The following CHRNA7 variants were observed in gnomAD, a reference collection of about 807,000 sequenced individuals.
CHRNA7 encodes neuronal acetylcholine receptor subunit alpha-7.
A neutral mutation model predicts 48.0 loss-of-function variants in CHRNA7; 17 were observed. That is an observed-to-expected ratio of 0.35 (90% CI 0.24 to 0.53). The LOEUF (loss-of-function observed/expected upper bound fraction) is 0.53, where lower values mean the gene tolerates loss of function less well. Among genes scored for constraint, CHRNA7 ranks in the 20% least tolerant of loss-of-function variants. CHRNA7 has a pLI of 0.92. For missense variants in CHRNA7, 155 were observed against 577.7 expected, an observed-to-expected ratio of 0.27 and a Z score of 7.50; for synonymous variants, 75 against 242.3, an observed-to-expected ratio of 0.31 and a Z score of 6.41.
At chr15:32,132,800 C>T (rs7170028) in intron 4 of CHRNA7, among the ~76,000 whole-genome samples, 71,338 of 152,014 alleles carry the variant, frequency 0.47, 17,280 homozygotes, top group East Asian at 0.7. Flanking sequence ...CGTTTTTAGC[C>T]GTATTACCTC....
chr15:32,108,266 T>G lies in CHRNA7; in HGVS notation c.241-3524T>G, dbSNP rs189426571. On this transcript the variant is annotated intron_variant, in intron 3 of 9. Coordinates refer to ENST00000306901, the MANE Select transcript of CHRNA7 (RefSeq NM_000746.6). ...TTCCTCCCTTCCCTTCAGTGTCCCC[T>G]CACAACTCCACACACTCTTCTTTTG... 3.5e-3 allele frequency among the ~76,000 whole-genome samples: 530 copies of G among 152,020 alleles called. 1 individual carries two copies. Among genetic ancestry groups the G allele is most frequent in the African/African-American group, 0.012 (508 of 41,456 alleles).
At chr15:32,079,576 T>A (rs2050185338) in intron 2 of CHRNA7, among the ~76,000 whole-genome samples, 1 of 151,994 alleles carries the variant, frequency 6.6e-6, no homozygotes, top group South Asian at 2.1e-4. Context: ...TACCTAGGAA[T>A]ACAGCTAACA....
In CHRNA7 at chr15:32,067,193, G is replaced by A. The variant is rs141425121; in HGVS notation, c.196-34110G>A. On this transcript the variant is annotated intron_variant, in intron 2 of 9. Coordinates refer to ENST00000306901, the MANE Select transcript of CHRNA7 (RefSeq NM_000746.6). ...ATCCGTAAAGCTTAACAAACTACAG[G>A]AAGGATAAAACCAAAGATCCACACC... 1.8e-3 allele frequency among the ~76,000 whole-genome samples: 276 copies of A among 151,730 alleles called. 4 individuals are homozygous for A. The highest frequency in any genetic ancestry group is 0.016 in the Admixed American group (244 of 15,258).
At chr15:32,062,093 T>TCTAA (rs1297458021) in intron 2 of CHRNA7, among the ~76,000 whole-genome samples, 3 of 152,210 alleles carry the variant, frequency 2.0e-5, no homozygotes, top group African/African-American at 7.2e-5. Context: ...GACAACCAAT[T>TCTAA]CTAACTCTTT....
rs1300591515 is a variant in CHRNA7 at position 32,101,359 on chromosome 15, G to A, written c.240+12G>A. 23 of 1,584,178 alleles carry A rather than the reference G, an allele frequency of 1.5e-5. No homozygotes were observed. Among genetic ancestry groups the A allele is most frequent in the Non-Finnish European group, 1.7e-5 (20 of 1,169,970 alleles). On this transcript the variant is annotated intron_variant, in intron 3 of 9. Transcript: ENST00000306901. ...TTTGGCTGCAAATGGTAAGTTAAGA[G>A]AATGACAATCTCTCCCATGGGCTGC...
chr15:32,061,015 A>G (rs138415644), intron 2 of CHRNA7, among the ~76,000 whole-genome samples: 10 of 152,338 alleles, frequency 6.6e-5, no homozygotes, highest in African/African-American at 2.4e-4. Flanking sequence ...ATTCATCACA[A>G]GAGCAAGAGA....
At chr15:32,090,783 C>A (rs189477769) in intron 2 of CHRNA7, among the ~76,000 whole-genome samples, 51 of 152,222 alleles carry the variant, frequency 3.4e-4, no homozygotes, top group African/African-American at 1.2e-3. Context: ...CTCATACTTC[C>A]TTAATCTGAG....
chr15:32,031,078 T>C (rs1901813438), intron 2 of CHRNA7, 41 bp downstream of exon 2: 1 of 1,610,864 alleles, frequency 6.2e-7, no homozygotes, highest in African/African-American at 1.3e-5. Context: ...CTCCCCTTCC[T>C]GGGCTCCGAG....
chr15:32,122,038 T>C (rs1245164418), intron 4 of CHRNA7, among the ~76,000 whole-genome samples: 1 of 152,222 alleles, frequency 6.6e-6, no homozygotes, highest in Non-Finnish European at 1.5e-5. Context: ...CATCACACGA[T>C]GCTGCGGATG....
At chr15:32,093,522 G>A (rs796170153) in intron 2 of CHRNA7, among the ~76,000 whole-genome samples, 2 of 152,282 alleles carry the variant, frequency 1.3e-5, no homozygotes, top group African/African-American at 4.8e-5. Flanking sequence ...GCACACACAG[G>A]CAGCTGAACA....
At chr15:32,132,695 C>T (rs941109740) in intron 4 of CHRNA7, among the ~76,000 whole-genome samples, 2 of 152,044 alleles carry the variant, frequency 1.3e-5, no homozygotes, top group African/African-American at 4.8e-5. Context: ...GAGAGGGGCA[C>T]GTGCTGGCTT....
At chr15:32,043,497 T>A (rs571536478) in intron 2 of CHRNA7, among the ~76,000 whole-genome samples, 5 of 152,112 alleles carry the variant, frequency 3.3e-5, no homozygotes, top group Admixed American at 6.5e-5. Context: ...AATTTTCTCT[T>A]CTATTAGTTT....
chr15:32,145,755 G>A (rs570987678), intron 4 of CHRNA7, among the ~76,000 whole-genome samples: 18 of 152,326 alleles, frequency 1.2e-4, no homozygotes, highest in African/African-American at 3.4e-4. Context: ...CTCCTGGTCT[G>A]CTGATCGCTA....
intron 3 of CHRNA7, among the ~76,000 whole-genome samples, chr15:32,110,507 C>T (rs2050745644): frequency 6.6e-6 from 1 of 152,198 alleles, no homozygotes; most frequent in African/African-American, 2.4e-5. Context: ...AGTTCCTCTC[C>T]TTTGATGTCA....
chr15:32,040,703 A>G (rs2049433214), intron 2 of CHRNA7, among the ~76,000 whole-genome samples: 1 of 151,918 alleles, frequency 6.6e-6, no homozygotes, highest in African/African-American at 2.4e-5. Flanking sequence ...ACAAACTGTT[A>G]TCTGTTAGAT....
chr15:32,086,628 G>A (rs1001635336), intron 2 of CHRNA7, among the ~76,000 whole-genome samples: 43 of 152,166 alleles, frequency 2.8e-4, no homozygotes, highest in African/African-American at 9.9e-4. Context: ...TCTGTTCCAC[G>A]ATCCCATCCA....
chr15:32,132,379 C>G (rs1253657462), intron 4 of CHRNA7, among the ~76,000 whole-genome samples: 2 of 152,176 alleles, frequency 1.3e-5, no homozygotes, highest in Non-Finnish European at 2.9e-5. Flanking sequence ...GGTGTGATCC[C>G]TTCTGCCTTC....
At chr15:32,037,521 C>A (rs2141165149) in intron 2 of CHRNA7, among the ~76,000 whole-genome samples, 1 of 152,252 alleles carries the variant, frequency 6.6e-6, no homozygotes, top group South Asian at 2.1e-4. Flanking sequence ...GACATATTGA[C>A]AATACTGAAT....
intron 4 of CHRNA7, among the ~76,000 whole-genome samples, chr15:32,116,485 C>T (rs989646999): frequency 3.3e-5 from 5 of 152,178 alleles, no homozygotes; most frequent in African/African-American, 1.2e-4. Flanking sequence ...GGTGCTGATC[C>T]CAGTCATTTC....
Sources: allele counts gnomAD v4.1 joint callset (sites outside exome capture counted in the v4.1 genomes callset), GRCh38; gene constraint gnomAD v4.1.1; transcripts MANE v1.5; gene names NCBI Gene and HGNC (gene_info 2026-07-23, HGNC 2026-07-21).